The following EIF3A variants were observed in gnomAD, a reference collection of about 807,000 sequenced individuals.
The protein encoded by EIF3A is EIF3, p180 subunit.
Under a neutral mutation model 186.6 loss-of-function variants are expected in EIF3A, and 21 were observed. The ratio of observed to expected loss-of-function variants is 0.11; its 90% CI spans 0.08 to 0.16. The LOEUF (loss-of-function observed/expected upper bound fraction) is 0.16. Among genes scored for constraint, EIF3A ranks in the 10% least tolerant of loss-of-function variants. The probability of loss-of-function intolerance (pLI) is 1.00; values close to 1 mark genes in which losing one functional copy is unlikely to be tolerated. For missense variants in EIF3A, 1,306 were observed against 1,796.3 expected (o/e 0.73, Z 4.93); for synonymous variants, 563 against 584.3 (o/e 0.96, Z 0.52).
rs1848344558 is a variant in EIF3A at position 119,050,613 on chromosome 10, C to T, written c.2381G>A (p.Arg794Gln). Residue 794 changes from arginine (R) to glutamine (Q), a missense_variant, in exon 16 of 22, where the codon CGG (arginine) becomes CAG (glutamine). By Grantham distance (43) the Arg-to-Gln change is conservative. Around this residue, in one of 8 missense-constraint regions of EIF3A, gnomAD observed 410 missense variants for 473.5 expected, o/e 0.87. Transcript: ENST00000369144. ...AEERHNRLEERKRQRKEERRI... is the reference protein window; with the variant it reads ...AEERHNRLEEQKRQRKEERRI... ...GCGTTCTTCTTTACGCTGCCTTTTCCGTTCTTCCAATCGATTATGCCTTTC... is the reference window on the plus strand; with the variant it reads ...GCGTTCTTCTTTACGCTGCCTTTTCTGTTCTTCCAATCGATTATGCCTTTC... The T allele has an allele frequency of 1.2e-6, 2 of 1,614,018 alleles. No individual in the cohort carries two copies. Among genetic ancestry groups the T allele is most frequent in the Non-Finnish European group, 1.7e-6 (2 of 1,179,988 alleles).
chr10:119,077,442 TTC>T (rs750121185), intron 1 of EIF3A, among the ~76,000 whole-genome samples: 6 of 152,090 alleles, frequency 3.9e-5, no homozygotes, highest in East Asian at 1.9e-4. Flanking sequence ...CAGAGAGAGA[TTC>T]TGTCTCAAAT....
At chr10:119,057,061 A>C (rs950285617) in intron 12 of EIF3A, 21 bp from the exon 13 acceptor site, 2 of 1,412,532 alleles carry the variant, frequency 1.4e-6, no homozygotes, top group Admixed American at 1.9e-5. Context: ...ATACAAATGC[A>C]CAATTGTTAA....
rs530274855 is a variant in EIF3A, at chr10:119,074,110, G to A, written c.50-173C>T. ...ATTATCAAAAGTAAAACAACAGAAA[G>A]ACCTGTACTGTGTTGAAATATGATC... On this transcript the variant is annotated intron_variant, in intron 1 of 21. Transcript: ENST00000369144. Among the ~76,000 whole-genome samples the A allele has an allele frequency of 1.9e-4, 29 of 151,424 alleles. No individual in the cohort carries two copies. In the South Asian group the frequency reaches 6.1e-3, roughly 32 times the overall value.
At chr10:119,073,199 G>A (rs2119820309) in intron 3 of EIF3A, 146 bp from the exon 4 acceptor site, 2 of 779,708 alleles carry the variant, frequency 2.6e-6, no homozygotes, top group South Asian at 3.9e-5. Flanking sequence ...TCTACTCCCT[G>A]AATTCCCAAT....
At chr10:119,049,214 C>T (rs1848322510) in intron 17 of EIF3A, among the ~76,000 whole-genome samples, 1 of 152,152 alleles carries the variant, frequency 6.6e-6, no homozygotes, top group Non-Finnish European at 1.5e-5. Context: ...AATCCCAGCA[C>T]TTTGGGAGGC....
intron 6 of EIF3A, 22 bp from the exon 7 acceptor site, chr10:119,065,592 A>G: frequency 6.4e-7 from 1 of 1,551,524 alleles, no homozygotes; most frequent in South Asian, 1.1e-5. Context: ...AAAGTTTTAA[A>G]TCTGTTAGGT....
intron 6 of EIF3A, among the ~76,000 whole-genome samples, chr10:119,068,647 A>G (rs1249876407): frequency 1.3e-5 from 2 of 151,298 alleles, no homozygotes; most frequent in African/African-American, 4.9e-5. Flanking sequence ...CTGGGCGATA[A>G]GAGCGAAGGC....
At chr10:119,060,233 C>G (rs1178964570) in intron 9 of EIF3A, 2 of 472,054 alleles carry the variant, frequency 4.2e-6, no homozygotes, top group African/African-American at 2.1e-5. Flanking sequence ...AGCCCCTGGA[C>G]TAAAATATAT....
At chr10:119,066,062 G>A (rs1304479156) in intron 6 of EIF3A, among the ~76,000 whole-genome samples, 1 of 151,800 alleles carries the variant, frequency 6.6e-6, no homozygotes, top group Non-Finnish European at 1.5e-5. Flanking sequence ...CTTGCAGTGA[G>A]CCAAGATCGC....
chr10:119,046,929 C>G (rs1848289365), intron 17 of EIF3A, among the ~76,000 whole-genome samples: 1 of 150,870 alleles, frequency 6.6e-6, no homozygotes, highest in African/African-American at 2.4e-5. Flanking sequence ...TGCACTCCAG[C>G]CCGGGCAAAA....
In EIF3A at chr10:119,068,981, A is replaced by AG. The variant is rs1248952412; in HGVS notation, c.950+464_950+465insC. 1.8e-4 allele frequency among the ~76,000 whole-genome samples: 27 copies of AG among 151,984 alleles called. No individual in the cohort carries two copies. In the East Asian group the frequency reaches 5.0e-3, roughly 28 times the overall value. On this transcript the variant is annotated intron_variant, in intron 6 of 21. Coordinates refer to ENST00000369144, the MANE Select transcript of EIF3A (RefSeq NM_003750.4). ...AAAGACTCTGTCTTGCAAAAAAAAA[A>AG]AAAAAAAAAGAAAAGGAAAAAAAAG... is the stretch of plus-strand genomic sequence containing the variant.
At chr10:119,040,765 G>T (rs942621730) in intron 19 of EIF3A, among the ~76,000 whole-genome samples, 1 of 152,096 alleles carries the variant, frequency 6.6e-6, no homozygotes, top group African/African-American at 2.4e-5. Flanking sequence ...CCAGCACTTT[G>T]GGAGGCTGAG....
intron 1 of EIF3A, among the ~76,000 whole-genome samples, chr10:119,077,188 G>T (rs1415206585): frequency 6.6e-6 from 1 of 152,190 alleles, no homozygotes; most frequent in Non-Finnish European, 1.5e-5. Context: ...TCCTTAGCCA[G>T]GCGCGGTGGC....
At chr10:119,075,453 T>C (rs959317906) in intron 1 of EIF3A, among the ~76,000 whole-genome samples, 3 of 151,810 alleles carry the variant, frequency 2.0e-5, no homozygotes, top group Non-Finnish European at 4.4e-5. Context: ...TCTTTTATTT[T>C]CTTTTGTACA....
intron 4 of EIF3A, 30 bp from the exon 5 acceptor site, chr10:119,071,115 T>G (rs1383269967): frequency 7.0e-7 from 1 of 1,431,572 alleles, no homozygotes; most frequent in East Asian, 2.3e-5. Context: ...ATATATTAGG[T>G]ACCTTCCACT....
intron 1 of EIF3A, among the ~76,000 whole-genome samples, chr10:119,076,526 A>G (rs941161197): frequency 1.3e-5 from 2 of 149,518 alleles, no homozygotes; most frequent in African/African-American, 4.9e-5. Flanking sequence ...GATGTAATAT[A>G]TAACTAGATA....
At position 119,049,197 on chromosome 10, in the gene EIF3A, C is replaced by T. The variant is rs992904464; in HGVS notation, c.2658+604G>A. On this transcript the variant is annotated intron_variant, in intron 17 of 21. Transcript: ENST00000369144. Reference sequence around the variant, plus strand: ...AAAATGGGCTGGGTGCGGTGGCTCGCGCCTGTAATCCCAGCACTTTGGGAG... The same window carrying T: ...AAAATGGGCTGGGTGCGGTGGCTCGTGCCTGTAATCCCAGCACTTTGGGAG... Among the ~76,000 whole-genome samples the T allele has an allele frequency of 1.8e-4, 27 of 152,214 alleles. No individual in the cohort carries two copies. The East Asian group carries it at 4.8e-3, about 27-fold the overall frequency.
At chr10:119,063,122 T>C (rs781145658) in intron 7 of EIF3A, among the ~76,000 whole-genome samples, 1 of 152,114 alleles carries the variant, frequency 6.6e-6, no homozygotes, top group African/African-American at 2.4e-5. Flanking sequence ...CTTTAAAAAT[T>C]AGAAGCAAAT....
chr10:119,075,879 A>ATTTTTT (rs58100835), intron 1 of EIF3A, among the ~76,000 whole-genome samples: 14 of 94,056 alleles, frequency 1.5e-4, no homozygotes, highest in Admixed American at 5.5e-4. Context: ...CGCCTGGCTA[A>ATTTTTT]TTTTTTTTTT....
Sources: allele counts gnomAD v4.1 joint callset (sites outside exome capture counted in the v4.1 genomes callset), GRCh38; gene constraint gnomAD v4.1.1; regional missense constraint gnomAD v4.1.1; transcripts MANE v1.5; gene names NCBI Gene and HGNC (gene_info 2026-07-23, HGNC 2026-07-21).